The following SLMAP variants were observed in gnomAD, a reference collection of about 807,000 sequenced individuals.
SLMAP encodes sarcolemma associated protein.
Under a neutral mutation model 128.8 loss-of-function variants are expected in SLMAP, and 44 were observed. The observed-to-expected ratio is 0.34, with a 90% confidence interval of 0.27 to 0.44. The LOEUF (loss-of-function observed/expected upper bound fraction) is 0.44, where lower values mean the gene tolerates loss of function less well. Among genes scored for constraint, SLMAP ranks in the 20% least tolerant of loss-of-function variants. The pLI, the probability that SLMAP is intolerant of heterozygous loss-of-function variation, is 1.00. For synonymous variants in SLMAP, 327 were observed against 348.8 expected (o/e 0.94, Z 0.70); for missense variants, 787 against 985.3 (o/e 0.80, Z 2.69).
At chr3:57,811,243 A>AT (rs914389122) in intron 2 of SLMAP, among the ~76,000 whole-genome samples, 6 of 151,752 alleles carry the variant, frequency 4.0e-5, no homozygotes, top group Non-Finnish European at 8.8e-5. Flanking sequence ...GTAACTCTCC[A>AT]TTTTTTCCTC....
At chr3:57,779,921 A>C (rs2082667068) in intron 2 of SLMAP, among the ~76,000 whole-genome samples, 1 of 152,058 alleles carries the variant, frequency 6.6e-6, no homozygotes, top group Non-Finnish European at 1.5e-5. Context: ...TCAAGCTGGC[A>C]GTTGGGTACA....
At position 57,870,681 on chromosome 3, in the gene SLMAP, C is replaced by T. The variant is rs143048061; in HGVS notation, c.1238-955C>T. 2.0e-3 allele frequency among the ~76,000 whole-genome samples: 310 copies of T among 152,230 alleles called. 4 individuals are homozygous for T. In the Middle Eastern group the frequency reaches 0.031, roughly 15 times the overall value. ...CAAAGTTGAGACGACTGAGGAGTAA[C>T]GTGGCCTGAGGTGGACGAGAGGGGA... On this transcript the variant is annotated intron_variant, in intron 13 of 24. Coordinates refer to ENST00000671191, the MANE Select transcript of SLMAP (RefSeq NM_001377540.1).
intron 14 of SLMAP, among the ~76,000 whole-genome samples, chr3:57,888,949 A>G (rs1022596566): frequency 3.3e-5 from 5 of 150,850 alleles, no homozygotes; most frequent in East Asian, 2.0e-4. Context: ...CAGTGGCGCC[A>G]TCTCTGCTCA....
intron 17 of SLMAP, among the ~76,000 whole-genome samples, chr3:57,906,302 T>TTTTTTTTC (rs1273920597): frequency 1.7e-4 from 17 of 97,800 alleles, no homozygotes; most frequent in African/African-American, 7.2e-5. Flanking sequence ...ATTTTTTTCT[T>TTTTTTTTC]TTTTTTTCTT....
chr3:57,882,307 A>G (rs1458544048), intron 14 of SLMAP, among the ~76,000 whole-genome samples: 2 of 152,194 alleles, frequency 1.3e-5, no homozygotes, highest in Non-Finnish European at 2.9e-5. Context: ...AAAATAATAA[A>G]CCAAAAAATT....
rs369625617 is a variant in SLMAP, at chr3:57,840,406, G to C, written c.347-893G>C. On this transcript the variant is annotated intron_variant, in intron 3 of 24. Transcript: ENST00000671191. Reference sequence around the variant, plus strand: ...TGATGTAGTGTATTCTCATCAGCCTGCATTAGTTTTTAATCAGAGCTTAGT... The same window carrying C: ...TGATGTAGTGTATTCTCATCAGCCTCCATTAGTTTTTAATCAGAGCTTAGT... Among the ~76,000 whole-genome samples, 113 of 152,310 alleles carry C rather than the reference G, an allele frequency of 7.4e-4. 1 individual carries two copies. In the South Asian group the frequency reaches 0.022, roughly 30 times the overall value.
At chr3:57,854,660 C>T (rs189325668) in intron 6 of SLMAP, among the ~76,000 whole-genome samples, 2 of 152,022 alleles carry the variant, frequency 1.3e-5, no homozygotes, top group Admixed American at 6.5e-5. Context: ...AAATTAAAAG[C>T]TATTTCTATT....
intron 2 of SLMAP, among the ~76,000 whole-genome samples, chr3:57,781,729 ATTTTTTTTTT>A (rs748021832): frequency 9.2e-6 from 1 of 109,160 alleles, no homozygotes; most frequent in Non-Finnish European, 1.8e-5. Flanking sequence ...ATATTGACTG[ATTTTTTTTTT>A]TTTTTTTTTT....
At chr3:57,892,289 T>G (rs1463411080) in intron 15 of SLMAP, among the ~76,000 whole-genome samples, 3 of 152,180 alleles carry the variant, frequency 2.0e-5, no homozygotes, top group Non-Finnish European at 2.9e-5. Context: ...TTGCCATAAA[T>G]GAACAATTAC....
chr3:57,796,866 T>C (rs2086848832), intron 2 of SLMAP, among the ~76,000 whole-genome samples: 1 of 152,104 alleles, frequency 6.6e-6, no homozygotes, highest in Admixed American at 6.6e-5. Context: ...GTAGAATATG[T>C]CTCTAAAATT....
chr3:57,836,695 A>G (rs17058594), intron 3 of SLMAP, among the ~76,000 whole-genome samples: 2,822 of 152,298 alleles, frequency 0.019, 76 homozygotes, highest in African/African-American at 0.063. Context: ...AGAAAACTCA[A>G]TGGTCAGGCA....
chr3:57,821,624 G>T (rs1228770446), intron 2 of SLMAP, among the ~76,000 whole-genome samples: 1 of 152,110 alleles, frequency 6.6e-6, no homozygotes, highest in Non-Finnish European at 1.5e-5. Context: ...TAAATTGTTG[G>T]TGGCAAAAGT....
At chr3:57,787,648 G>T (rs2084520217) in intron 2 of SLMAP, among the ~76,000 whole-genome samples, 1 of 152,126 alleles carries the variant, frequency 6.6e-6, no homozygotes, top group South Asian at 2.1e-4. Context: ...GCTAATTTTT[G>T]TATTTTTAGT....
chr3:57,823,873 C>T (rs1054550836), intron 2 of SLMAP, among the ~76,000 whole-genome samples: 8 of 152,268 alleles, frequency 5.3e-5, no homozygotes, highest in African/African-American at 1.9e-4. Context: ...ACATCCTCTC[C>T]AGCACCTGTT....
Position 57,909,056 on chromosome 3 carries a change from T to A in SLMAP, c.1625-20T>A. 1 of 1,539,522 alleles carries A rather than the reference T, an allele frequency of 6.5e-7. No individual in the cohort carries two copies. The highest frequency in any genetic ancestry group is 8.9e-7 in the Non-Finnish European group (1 of 1,118,456). The stretch of plus-strand genomic sequence containing the variant: ...ATTAATTCACAAAACTATTAATAGA[T>A]ACTGTGTTTTTACTTTTAGCTCTTT... On this transcript the variant is annotated intron_variant, in intron 18 of 24. Coordinates refer to ENST00000671191, the MANE Select transcript of SLMAP (RefSeq NM_001377540.1).
chr3:57,780,115 G>C (rs2082717727), intron 2 of SLMAP, among the ~76,000 whole-genome samples: 1 of 150,296 alleles, frequency 6.7e-6, no homozygotes, highest in African/African-American at 2.4e-5. Flanking sequence ...CACTATTAAT[G>C]TTCCCTTTTT....
intron 2 of SLMAP, among the ~76,000 whole-genome samples, chr3:57,783,078 G>A (rs1231038964): frequency 6.6e-6 from 1 of 152,204 alleles, no homozygotes; most frequent in Non-Finnish European, 1.5e-5. Context: ...AAGTGGGGTT[G>A]TTGCTGTAAC....
In SLMAP at chr3:57,913,319, A is replaced by G. The variant is rs562648408; in HGVS notation, c.2138+44A>G. On this transcript the variant is annotated intron_variant, in intron 21 of 24. Transcript: ENST00000671191. ...TTTTTCAGATATAAAATATTTCTTT[A>G]TCTTAAATTTTCATCTAAATTAAAT... The G allele has an allele frequency of 1.2e-4, 97 of 826,030 alleles. No individual in the cohort carries two copies. In the East Asian group the frequency reaches 2.6e-3, roughly 22 times the overall value. The allele number at this position is 826,030 out of a possible 1,614,324, so 51.2% of individuals were successfully genotyped here. A position where few individuals can be genotyped will look rare whatever the true frequency, so the allele number is the denominator to read the frequency against.
chr3:57,791,280 A>C (rs571415157), intron 2 of SLMAP, among the ~76,000 whole-genome samples: 1 of 152,222 alleles, frequency 6.6e-6, no homozygotes, highest in South Asian at 2.1e-4. Context: ...GAATCTCTTG[A>C]ATCCAGGAGG....
Sources: gnomAD v4.1 joint callset for allele counts (sites outside exome capture counted in the v4.1 genomes callset) on GRCh38, gnomAD v4.1.1 for gene constraint, MANE v1.5 for transcripts, NCBI Gene and HGNC (gene_info 2026-07-23, HGNC 2026-07-21) for gene names.